Variants in EPHB1 observed in about 807,000 individuals in gnomAD.
EPHB1 encodes the protein EPH receptor B1.
EPHB1 carries 30 observed loss-of-function variants against 94.4 expected under a neutral mutation model. That is an observed-to-expected ratio of 0.32 (90% CI 0.24 to 0.43). The LOEUF (loss-of-function observed/expected upper bound fraction) is 0.43, where lower values mean the gene tolerates loss of function less well. EPHB1 is among the 20% of genes least tolerant of loss of function. EPHB1 has a pLI of 1.00. For missense variants in EPHB1, 1,055 were observed against 1,308.3 expected, an observed-to-expected ratio of 0.81 and a Z score of 2.99; for synonymous variants, 522 against 489.1, an observed-to-expected ratio of 1.07 and a Z score of -0.89.
At chr3:135,095,495 A>G (rs1559827711) in intron 3 of EPHB1, among the ~76,000 whole-genome samples, 1 of 152,150 alleles carries the variant, frequency 6.6e-6, no homozygotes, top group Non-Finnish European at 1.5e-5. Context: ...CCTCCAGTCC[A>G]TTCATTTCCC....
At chr3:135,133,591 C>T (rs1940503671) in intron 5 of EPHB1, among the ~76,000 whole-genome samples, 1 of 152,190 alleles carries the variant, frequency 6.6e-6, no homozygotes, top group African/African-American at 2.4e-5. Flanking sequence ...CCTTCATTTT[C>T]CAATTAAATC....
At chr3:135,053,352 A>G (rs1559811291) in intron 3 of EPHB1, among the ~76,000 whole-genome samples, 1 of 152,232 alleles carries the variant, frequency 6.6e-6, no homozygotes, top group East Asian at 1.9e-4. Flanking sequence ...AGGAAGGAGA[A>G]GAAAACAGTT....
intron 1 of EPHB1, among the ~76,000 whole-genome samples, chr3:134,825,226 C>G (rs936341824): frequency 6.6e-6 from 1 of 152,174 alleles, no homozygotes. Flanking sequence ...GAATCCTGCC[C>G]TAAAGGAGGC....
chr3:135,254,824 C>T (rs1292680443), intron 15 of EPHB1, among the ~76,000 whole-genome samples: 9 of 152,196 alleles, frequency 5.9e-5, no homozygotes, highest in Non-Finnish European at 8.8e-5. Flanking sequence ...TGATAGAATT[C>T]GGCTGTGAAT....
chr3:135,052,272 C>T (rs573353175), intron 3 of EPHB1, among the ~76,000 whole-genome samples: 95 of 152,080 alleles, frequency 6.2e-4, no homozygotes, highest in African/African-American at 2.2e-3. Context: ...TGGTGTGTGT[C>T]GATTGAATAT....
chr3:134,801,067 C>T (rs1358612234), intron 1 of EPHB1, among the ~76,000 whole-genome samples: 1 of 152,182 alleles, frequency 6.6e-6, no homozygotes, highest in Non-Finnish European at 1.5e-5. Context: ...CTAGTGCTGA[C>T]TCTGCCATTG....
intron 15 of EPHB1, among the ~76,000 whole-genome samples, chr3:135,253,320 T>G (rs1361934644): frequency 6.6e-6 from 1 of 151,040 alleles, no homozygotes; most frequent in Non-Finnish European, 1.5e-5. Context: ...TGCCTAGGTT[T>G]TCTTCTAGGG....
intron 10 of EPHB1, among the ~76,000 whole-genome samples, chr3:135,180,921 TC>T (rs1231354788): frequency 6.6e-6 from 1 of 152,240 alleles, no homozygotes; most frequent in Non-Finnish European, 1.5e-5. Context: ...TATGCTGTCA[TC>T]TTTTTTAGGT....
chr3:135,252,085 G>A (rs1933130992), intron 15 of EPHB1, among the ~76,000 whole-genome samples: 2 of 151,846 alleles, frequency 1.3e-5, no homozygotes, highest in Non-Finnish European at 2.9e-5. Flanking sequence ...GGAGGTTAAT[G>A]GAATGGCACA....
chr3:134,887,889 T>C (rs1015403894), intron 1 of EPHB1, among the ~76,000 whole-genome samples: 1 of 152,230 alleles, frequency 6.6e-6, no homozygotes, highest in Non-Finnish European at 1.5e-5. Flanking sequence ...TCTTCTGATT[T>C]TCAGGGACCT....
At chr3:135,147,647 T>G (rs553896601) in intron 5 of EPHB1, among the ~76,000 whole-genome samples, 1 of 152,310 alleles carries the variant, frequency 6.6e-6, no homozygotes, top group African/African-American at 2.4e-5. Context: ...CTCTACCCTG[T>G]CCACCCATGA....
chr3:134,829,846 G>T (rs751595546), intron 1 of EPHB1, among the ~76,000 whole-genome samples: 7 of 152,162 alleles, frequency 4.6e-5, no homozygotes, highest in African/African-American at 7.2e-5. Flanking sequence ...TGCGCCATGA[G>T]AACATGACAG....
At chr3:135,234,702 A>G (rs1943607938) in intron 12 of EPHB1, among the ~76,000 whole-genome samples, 1 of 152,226 alleles carries the variant, frequency 6.6e-6, no homozygotes, top group Admixed American at 6.5e-5. Context: ...AAGGGGAAGC[A>G]AACTTGTCCT....
intron 1 of EPHB1, among the ~76,000 whole-genome samples, chr3:134,896,790 G>A (rs903672639): frequency 5.3e-5 from 8 of 152,238 alleles, no homozygotes; most frequent in African/African-American, 1.9e-4. Context: ...GACAGAAACC[G>A]CAATCTGTAT....
chr3:134,897,403 G>A (rs1378340158), intron 1 of EPHB1, among the ~76,000 whole-genome samples: 1 of 152,228 alleles, frequency 6.6e-6, no homozygotes, highest in Non-Finnish European at 1.5e-5. Flanking sequence ...GAGCGGCCCT[G>A]CAGGGACCCT....
At chr3:135,212,293 G>A (rs985075698) in intron 12 of EPHB1, among the ~76,000 whole-genome samples, 1 of 152,114 alleles carries the variant, frequency 6.6e-6, no homozygotes, top group African/African-American at 2.4e-5. Context: ...ACATCTGGGT[G>A]GTCCTGGGAT....
At chr3:134,874,378 G>A (rs1016927332) in intron 1 of EPHB1, among the ~76,000 whole-genome samples, 2 of 152,114 alleles carry the variant, frequency 1.3e-5, no homozygotes, top group African/African-American at 4.8e-5. Context: ...GGTGGAGGGT[G>A]AGGGGAGAGA....
intron 3 of EPHB1, among the ~76,000 whole-genome samples, chr3:135,082,639 T>C (rs183181139): frequency 3.2e-4 from 49 of 152,226 alleles, no homozygotes; most frequent in Admixed American, 8.5e-4. Context: ...AGCTAAGCTG[T>C]AGAGAATAGG....
intron 2 of EPHB1, among the ~76,000 whole-genome samples, chr3:134,931,600 T>C (rs1421281971): frequency 1.3e-5 from 2 of 152,216 alleles, no homozygotes; most frequent in African/African-American, 4.8e-5. Flanking sequence ...CTGGCAGATC[T>C]TCACCATAGG....
Sources: gnomAD v4.1 joint callset for allele counts (sites outside exome capture counted in the v4.1 genomes callset) on GRCh38, gnomAD v4.1.1 for gene constraint, MANE v1.5 for transcripts, NCBI Gene and HGNC (gene_info 2026-07-23, HGNC 2026-07-21) for gene names.